TNFRSF19: variants seen among roughly 807,000 people sequenced by gnomAD.
TNFRSF19 encodes TNF receptor superfamily member 19.
In TNFRSF19, 27 loss-of-function variants were observed where a neutral mutation model predicts 46.4. That is an observed-to-expected ratio of 0.58 (90% CI 0.43 to 0.80). The LOEUF (loss-of-function observed/expected upper bound fraction) is 0.80, where lower values mean the gene tolerates loss of function less well. TNFRSF19 is among the 30% of genes least tolerant of loss of function. The pLI, the probability that TNFRSF19 is intolerant of heterozygous loss-of-function variation, is 0.00. For missense variants in TNFRSF19, 511 were observed against 530.8 expected (o/e 0.96, Z 0.37); for synonymous variants, 204 against 205.0 (o/e 1.00, Z 0.04).
rs1049178540 is a variant in TNFRSF19 at position 23,674,200 on chromosome 13, G to T, written c.*820G>T. 3.9e-5 allele frequency: 6 copies of T among 152,206 alleles called. No individual in the cohort carries two copies. Among genetic ancestry groups the T allele is most frequent in the Admixed American group, 3.9e-4 (6 of 15,284 alleles). 9.4% of individuals were successfully genotyped at this position (152,206 alleles called of 1,614,324 possible). On this transcript the variant is annotated 3_prime_UTR_variant, in exon 10 of 10. Transcript: ENST00000248484. ...AAAATTAGTTGCTATAGAAACATTT[G>T]TTGCATCTGTCCCTCTGCCTGAGCT...
intron 1 of TNFRSF19, among the ~76,000 whole-genome samples, chr13:23,571,320 T>C (rs1339618111): frequency 6.6e-6 from 1 of 152,224 alleles, no homozygotes; most frequent in Admixed American, 6.5e-5. Flanking sequence ...ATTTATTCTC[T>C]CACTTCCAAG....
At chr13:23,655,639 T>C (rs1163719134) in intron 5 of TNFRSF19, among the ~76,000 whole-genome samples, 1 of 152,160 alleles carries the variant, frequency 6.6e-6, no homozygotes, top group Non-Finnish European at 1.5e-5. Flanking sequence ...ACCTTTTCCT[T>C]TAGCGTAGAT....
intron 1 of TNFRSF19, among the ~76,000 whole-genome samples, chr13:23,571,564 C>T (rs1877634559): frequency 1.3e-5 from 2 of 152,124 alleles, no homozygotes; most frequent in Admixed American, 1.3e-4. Context: ...CCTAAATTAA[C>T]ATTTACTTTA....
At position 23,668,226 on chromosome 13, in the gene TNFRSF19, C is replaced by T. The variant is rs192413913; in HGVS notation, c.839+144C>T. ...CTGGATATTGGTGGGGTGCAGTTCTCAGGGAAGAATTAGGTAGCTCTCTCA... is the reference window on the plus strand; with the variant it reads ...CTGGATATTGGTGGGGTGCAGTTCTTAGGGAAGAATTAGGTAGCTCTCTCA... On this transcript the variant is annotated intron_variant, in intron 8 of 9. Coordinates refer to ENST00000248484, the MANE Select transcript of TNFRSF19 (RefSeq NM_148957.4). The T allele has an allele frequency of 1.4e-5, 11 of 786,422 alleles. No homozygotes were observed. The East Asian group carries it at 2.8e-4, about 20-fold the overall frequency. 48.7% of individuals were successfully genotyped at this position (786,422 alleles called of 1,614,324 possible).
chr13:23,622,893 A>T (rs887793789), intron 4 of TNFRSF19, among the ~76,000 whole-genome samples: 3 of 152,238 alleles, frequency 2.0e-5, no homozygotes, highest in South Asian at 4.1e-4. Flanking sequence ...GACTTCTTAA[A>T]GAAGAAAGCT....
intron 4 of TNFRSF19, among the ~76,000 whole-genome samples, chr13:23,618,805 G>C (rs1177023059): frequency 6.6e-6 from 1 of 152,214 alleles, no homozygotes; most frequent in Non-Finnish European, 1.5e-5. Flanking sequence ...GTTGTTGCCA[G>C]TGCGATTATA....
chr13:23,641,932 C>T (rs370089766), intron 5 of TNFRSF19, among the ~76,000 whole-genome samples: 14 of 152,212 alleles, frequency 9.2e-5, no homozygotes, highest in African/African-American at 3.4e-4. Flanking sequence ...TATTAGCCTA[C>T]ACTTGGGCAA....
chr13:23,625,827 C>T (rs971672435), intron 4 of TNFRSF19, among the ~76,000 whole-genome samples: 5 of 152,084 alleles, frequency 3.3e-5, no homozygotes, highest in Non-Finnish European at 4.4e-5. Flanking sequence ...CACACCAGCA[C>T]TTGACTAATT....
intron 3 of TNFRSF19, among the ~76,000 whole-genome samples, chr13:23,609,531 C>A (rs574805835): frequency 6.6e-6 from 1 of 152,160 alleles, no homozygotes; most frequent in Non-Finnish European, 1.5e-5. Flanking sequence ...GTAACACGAT[C>A]GCCTCGCAGC....
chr13:23,670,901 A>G (rs1469424599), intron 9 of TNFRSF19, among the ~76,000 whole-genome samples: 1 of 152,214 alleles, frequency 6.6e-6, no homozygotes, highest in Non-Finnish European at 1.5e-5. Flanking sequence ...CCAGCTGACT[A>G]ATGACTGTTT....
chr13:23,643,987 A>G (rs61946375), intron 5 of TNFRSF19, among the ~76,000 whole-genome samples: 1 of 152,258 alleles, frequency 6.6e-6, no homozygotes, highest in Non-Finnish European at 1.5e-5. Flanking sequence ...TCTGCTCACA[A>G]TGAAAGCATA....
intron 3 of TNFRSF19, among the ~76,000 whole-genome samples, chr13:23,608,516 C>T (rs1005423646): frequency 7.9e-5 from 12 of 152,076 alleles, no homozygotes; most frequent in Non-Finnish European, 1.5e-5. Flanking sequence ...AGTAACAGTG[C>T]GGGAGGAAGG....
chr13:23,632,567 T>C (rs540857239), intron 5 of TNFRSF19, among the ~76,000 whole-genome samples: 73 of 152,336 alleles, frequency 4.8e-4, no homozygotes, highest in Admixed American at 1.4e-3. Flanking sequence ...GTTCCTTGGT[T>C]TTCTTTACTG....
chr13:23,592,408 T>C (rs1255759934), intron 2 of TNFRSF19, among the ~76,000 whole-genome samples: 3 of 152,224 alleles, frequency 2.0e-5, no homozygotes. Context: ...GTTAAGCAGA[T>C]AAACATACTT....
chr13:23,666,171 G>A (rs781421452), intron 7 of TNFRSF19, among the ~76,000 whole-genome samples: 5 of 152,132 alleles, frequency 3.3e-5, no homozygotes, highest in African/African-American at 1.2e-4. Context: ...TGTCTGCCAG[G>A]TTTCTCCAGT....
At chr13:23,605,192 A>T (rs752538797) in intron 3 of TNFRSF19, among the ~76,000 whole-genome samples, 1 of 152,370 alleles carries the variant, frequency 6.6e-6, no homozygotes, top group Admixed American at 6.5e-5. Context: ...ACAGATGGCA[A>T]ATAAGCATAT....
At position 23,601,791 on chromosome 13, in the gene TNFRSF19, A is replaced by G. The variant is rs536243280; in HGVS notation, c.180+8336A>G. Among the ~76,000 whole-genome samples the G allele has an allele frequency of 2.6e-5, 4 of 152,286 alleles. No individual in the cohort carries two copies. The South Asian group carries it at 8.3e-4, about 32-fold the overall frequency. On this transcript the variant is annotated intron_variant, in intron 3 of 9. Coordinates refer to ENST00000248484, the MANE Select transcript of TNFRSF19 (RefSeq NM_148957.4). ...ACTATCTGTGAAGTAGTACAGTGTT[A>G]GTTGAAAGGAGGCTTGGACTGGTTA...
At chr13:23,603,493 A>G (rs1880307900) in intron 3 of TNFRSF19, among the ~76,000 whole-genome samples, 1 of 152,054 alleles carries the variant, frequency 6.6e-6, no homozygotes, top group African/African-American at 2.4e-5. Flanking sequence ...AATCACCCTA[A>G]TGCCTAAACC....
At chr13:23,606,179 G>A (rs9553017) in intron 3 of TNFRSF19, among the ~76,000 whole-genome samples, 13,082 of 152,134 alleles carry the variant, frequency 0.086, 602 homozygotes, top group East Asian at 0.18. Context: ...AACAGGTGCT[G>A]TATTTCATAT....
Sources: allele counts gnomAD v4.1 joint callset (sites outside exome capture counted in the v4.1 genomes callset), GRCh38; gene constraint gnomAD v4.1.1; transcripts MANE v1.5; gene names NCBI Gene and HGNC (gene_info 2026-07-23, HGNC 2026-07-21).